GPHN: variants seen among roughly 807,000 people sequenced by gnomAD.
The protein encoded by GPHN is gephyrin.
A neutral mutation model predicts 95.5 loss-of-function variants in GPHN; 17 were observed. The ratio of observed to expected loss-of-function variants is 0.18; its 90% CI spans 0.12 to 0.27. The LOEUF is 0.27. GPHN is among the 10% of genes least tolerant of loss of function. The probability of loss-of-function intolerance (pLI) is 1.00; values close to 1 mark genes in which losing one functional copy is unlikely to be tolerated. For missense variants in GPHN, 660 were observed against 978.1 expected (o/e 0.67, Z 4.34); for synonymous variants, 320 against 322.5 (o/e 0.99, Z 0.08).
At chr14:67,469,844 T>C in the GPHN span, among the ~76,000 whole-genome samples, 4 of 152,218 alleles carry the variant, frequency 2.6e-5, no homozygotes, top group African/African-American at 9.6e-5. Flanking sequence ...TGGCCTTCCA[T>C]GTCTTTGGGG....
At chr14:67,022,240 T>A (rs898024930) in intron 9 of GPHN, among the ~76,000 whole-genome samples, 5 of 152,112 alleles carry the variant, frequency 3.3e-5, no homozygotes, top group Admixed American at 2.6e-4. Context: ...AGCAGAACAT[T>A]CTGCATTTAC....
At chr14:67,340,582 C>T in the GPHN span, 1 of 1,316,768 alleles carries the variant, frequency 7.6e-7, no homozygotes, top group Non-Finnish European at 1.1e-6. Context: ...ATTATCAGTG[C>T]TCATTTGTAT....
chr14:66,538,899 T>C (rs1468204262), intron 1 of GPHN, among the ~76,000 whole-genome samples: 2 of 152,146 alleles, frequency 1.3e-5, no homozygotes, highest in Non-Finnish European at 2.9e-5. Context: ...ATAATTTATG[T>C]AGAGGCTGAA....
chr14:66,680,479 A>G (rs778332690), intron 1 of GPHN, among the ~76,000 whole-genome samples: 4 of 152,014 alleles, frequency 2.6e-5, no homozygotes, highest in African/African-American at 7.2e-5. Context: ...CACTCAGCAA[A>G]TTTTTCAGGG....
At chr14:66,971,054 G>A (rs183646012) in intron 9 of GPHN, among the ~76,000 whole-genome samples, 40 of 152,258 alleles carry the variant, frequency 2.6e-4, no homozygotes, top group African/African-American at 8.9e-4. Context: ...GAATTCTGAG[G>A]GCCAGGCATG....
At chr14:67,028,123 C>G (rs1030089930) in intron 10 of GPHN, among the ~76,000 whole-genome samples, 1 of 152,178 alleles carries the variant, frequency 6.6e-6, no homozygotes, top group African/African-American at 2.4e-5. Context: ...TGAGAACTTG[C>G]AACATCTGTC....
intron 2 of GPHN, among the ~76,000 whole-genome samples, chr14:66,767,312 A>G (rs1394683801): frequency 6.6e-6 from 1 of 151,808 alleles, no homozygotes; most frequent in Non-Finnish European, 1.5e-5. Context: ...TTTAATTTTT[A>G]CATTGCTAGT....
the GPHN span, chr14:67,585,914 G>T: frequency 6.3e-7 from 1 of 1,588,964 alleles, no homozygotes. Flanking sequence ...GGGACAGGTG[G>T]AAAGTTTCCC....
chr14:66,734,823 G>C lies in GPHN; in HGVS notation c.144-41641G>C, dbSNP rs537633360. Among the ~76,000 whole-genome samples, 4 of 152,250 alleles carry C rather than the reference G, an allele frequency of 2.6e-5. No homozygotes were observed. The South Asian group carries it at 8.3e-4, about 32-fold the overall frequency. On this transcript the variant is annotated intron_variant, in intron 2 of 22. Coordinates refer to ENST00000478722, the MANE Select transcript of GPHN (RefSeq NM_020806.5). ...CAGTAAGTGAGTATTTTATATTATA[G>C]CTGAAAATAGCTTACTTTTAAAGGT...
At chr14:67,273,585 G>A in the GPHN span, among the ~76,000 whole-genome samples, 1 of 152,164 alleles carries the variant, frequency 6.6e-6, no homozygotes. Context: ...GTCAACATAT[G>A]TGTGCATGTG....
the GPHN span, among the ~76,000 whole-genome samples, chr14:67,331,526 T>C: frequency 6.6e-6 from 1 of 152,090 alleles, no homozygotes; most frequent in African/African-American, 2.4e-5. Flanking sequence ...GGCTTGAGAG[T>C]GGCTATCTAG....
chr14:67,384,615 A>G, the GPHN span: 2 of 152,328 alleles, frequency 1.3e-5, no homozygotes, highest in East Asian at 1.9e-4. Context: ...CTAACCCACC[A>G]TAGTCAATCC....
intron 2 of GPHN, among the ~76,000 whole-genome samples, chr14:66,698,026 A>G (rs917510498): frequency 1.3e-5 from 2 of 152,146 alleles, no homozygotes; most frequent in Non-Finnish European, 2.9e-5. Context: ...ATCTTATGAA[A>G]TTGAAAAATA....
chr14:66,772,220 C>T (rs1017262101), intron 2 of GPHN, among the ~76,000 whole-genome samples: 4 of 152,092 alleles, frequency 2.6e-5, no homozygotes, highest in African/African-American at 7.2e-5. Context: ...ATTCTAACCT[C>T]TAGAATATAT....
At chr14:67,575,271 A>C in the GPHN span, 1 of 631,172 alleles carries the variant, frequency 1.6e-6, no homozygotes, top group Non-Finnish European at 2.8e-6. Context: ...AGGGAGCCCA[A>C]ATGGCATCTC....
downstream of GPHN, among the ~76,000 whole-genome samples, chr14:67,183,637 C>T (rs190054182): frequency 1.3e-3 from 197 of 152,078 alleles, no homozygotes; most frequent in African/African-American, 4.5e-3. Context: ...GATCTCAGCT[C>T]ACTACAATCT....
At chr14:67,724,886 C>T in the GPHN span, among the ~76,000 whole-genome samples, 5 of 152,072 alleles carry the variant, frequency 3.3e-5, no homozygotes, top group Middle Eastern at 3.2e-3. Flanking sequence ...GAATGTAAAA[C>T]CTGGGAACCA....
intron 1 of GPHN, among the ~76,000 whole-genome samples, chr14:66,539,776 T>C (rs2140048756): frequency 6.6e-6 from 1 of 152,192 alleles, no homozygotes; most frequent in African/African-American, 2.4e-5. Context: ...CAGTTCTCAG[T>C]CTCTGTCCAG....
chr14:66,666,089 C>G (rs919811696), intron 1 of GPHN, among the ~76,000 whole-genome samples: 4 of 81,790 alleles, frequency 4.9e-5, no homozygotes, highest in Admixed American at 1.9e-4. Flanking sequence ...CATCACACAC[C>G]GGGGCCTGTC....
Sources: gnomAD v4.1 joint callset for allele counts (sites outside exome capture counted in the v4.1 genomes callset) on GRCh38, gnomAD v4.1.1 for gene constraint, MANE v1.5 for transcripts, NCBI Gene and HGNC (gene_info 2026-07-23, HGNC 2026-07-21) for gene names.